The following SCUBE3 variants were observed in gnomAD, a reference collection of about 807,000 sequenced individuals.
SCUBE3 encodes signal peptide, CUB domain and EGF like domain containing 3, also known as signal peptide, CUB and EGF-like domain-containing protein 3.
A neutral mutation model predicts 116.8 loss-of-function variants in SCUBE3; 33 were observed. That is an observed-to-expected ratio of 0.28 (90% CI 0.21 to 0.38). The LOEUF (loss-of-function observed/expected upper bound fraction) is 0.38. SCUBE3 is among the 10% of genes least tolerant of loss of function. The pLI, the probability that SCUBE3 is intolerant of heterozygous loss-of-function variation, is 1.00. For synonymous variants in SCUBE3, 418 were observed against 496.9 expected (o/e 0.84, Z 2.11); for missense variants, 1,007 against 1,324.8 (o/e 0.76, Z 3.72).
Position 35,241,346 on chromosome 6 carries a change from A to C in SCUBE3, c.1195+80A>C. On this transcript the variant is annotated intron_variant, in intron 10 of 21. Transcript: ENST00000274938. The surrounding 1 kb of genome is among the most constrained non-coding windows in gnomAD (Gnocchi z 4.1). ...GGGGTTCTGGAAAGCATAGAGTATC[A>C]CATTGGGGAAAGGTGTGAGGTGGAA... The C allele has an allele frequency of 6.8e-7, 1 of 1,464,738 alleles. No individual in the cohort carries two copies. Among genetic ancestry groups the C allele is most frequent in the Non-Finnish European group, 9.4e-7 (1 of 1,068,906 alleles). The allele number at this position is 1,464,738 out of a possible 1,614,324, so 90.7% of individuals were successfully genotyped here.
chr6:35,243,931 C>T lies in SCUBE3; in HGVS notation c.2072-32C>T. ...CCCATGGGGATGACTCAGGACCATC[C>T]CCATCAGAGTTGGGCCCTTGATTCA... On this transcript the variant is annotated intron_variant, in intron 16 of 21. Transcript: ENST00000274938. The surrounding 1 kb of genome is among the most constrained non-coding windows in gnomAD (Gnocchi z 6.6). The T allele has an allele frequency of 6.2e-7, 1 of 1,606,216 alleles. No homozygotes were observed. The highest frequency in any genetic ancestry group is 8.5e-7 in the Non-Finnish European group (1 of 1,174,938).
At chr6:35,226,479 C>T (rs1174153813) in intron 1 of SCUBE3, among the ~76,000 whole-genome samples, 2 of 52,166 alleles carry the variant, frequency 3.8e-5, no homozygotes, top group East Asian at 3.2e-3. Flanking sequence ...TTTTCTATGT[C>T]CTTTTTTTTT....
In SCUBE3 at chr6:35,232,025, C is replaced by T. The variant is rs1490096400; in HGVS notation, c.469+166C>T. Among the ~76,000 whole-genome samples, 8 of 152,296 alleles carry T rather than the reference C, an allele frequency of 5.3e-5. No individual in the cohort carries two copies. Among genetic ancestry groups the T allele is most frequent in the Admixed American group, 4.6e-4 (7 of 15,300 alleles). Reference sequence around the variant, plus strand: ...CCCTAAAGGATCTAGGAACAGACACCCTGTTAGGGCAAAATCTGGGGAAAT... The same window carrying T: ...CCCTAAAGGATCTAGGAACAGACACTCTGTTAGGGCAAAATCTGGGGAAAT... On this transcript the variant is annotated intron_variant, in intron 4 of 21. Coordinates refer to ENST00000274938, the MANE Select transcript of SCUBE3 (RefSeq NM_152753.4). This position sits in a 1 kb window ranked among gnomAD's most constrained non-coding sequence, Gnocchi z 4.2.
rs184450003 is a variant in SCUBE3 at position 35,253,014 on chromosome 6, A to T, written c.*4309A>T. ...GGGGAAAAATATGTATCTGAATTGT[A>T]AAAAGAAATGTTTGGATTTTGTATG... On this transcript the variant is annotated 3_prime_UTR_variant, in exon 22 of 22. Transcript: ENST00000274938. The T allele has an allele frequency of 1.4e-4, 21 of 152,346 alleles. No homozygotes were observed. In the East Asian group the frequency reaches 4.0e-3, roughly 29 times the overall value. The allele number at this position is 152,346 out of a possible 1,614,324, so 9.4% of individuals were successfully genotyped here. A position where few individuals can be genotyped will look rare whatever the true frequency, so the allele number is the denominator to read the frequency against.
At chr6:35,238,775 GC>G (rs1783891655) in intron 7 of SCUBE3, among the ~76,000 whole-genome samples, 2 of 152,108 alleles carry the variant, frequency 1.3e-5, no homozygotes, top group Non-Finnish European at 2.9e-5. Flanking sequence ...GAGGAAAAAG[GC>G]AGGGTAGCCA....
intron 2 of SCUBE3, 79 bp downstream of exon 2, chr6:35,227,781 C>G (rs539929385): frequency 6.9e-7 from 1 of 1,450,304 alleles, no homozygotes; most frequent in East Asian, 2.3e-5. Flanking sequence ...GTTGGCCACT[C>G]TCCATCACAT....
chr6:35,235,381 CG>C lies in SCUBE3; in HGVS notation c.712+2084del. On this transcript the variant is annotated intron_variant, in intron 6 of 21. Coordinates refer to ENST00000274938, the MANE Select transcript of SCUBE3 (RefSeq NM_152753.4). This position sits in a 1 kb window ranked among gnomAD's most constrained non-coding sequence, Gnocchi z 4.5. ...GGGGAGGAGAGGGTGGGGAGGGGTC[CG>C]GGGCCAGAGGGCCACAGTGGCTTCT... 1 of 820,484 alleles carries C rather than the reference CG, an allele frequency of 1.2e-6. No homozygotes were observed. Among genetic ancestry groups the C allele is most frequent in the Non-Finnish European group, 1.8e-6 (1 of 559,102 alleles). The allele number at this position is 820,484 out of a possible 1,614,324, so 50.8% of individuals were successfully genotyped here. A position where few individuals can be genotyped will look rare whatever the true frequency, so the allele number is the denominator to read the frequency against.
rs190971671 is a variant in SCUBE3 at position 35,248,771 on chromosome 6, C to A, written c.*66C>A. 18 of 1,345,460 alleles carry A rather than the reference C, an allele frequency of 1.3e-5. No homozygotes were observed. The East Asian group carries it at 1.9e-4, about 14-fold the overall frequency. 83.3% of individuals were successfully genotyped at this position (1,345,460 alleles called of 1,614,324 possible). ...CTCCTTAGCCCTCAGAGCCGGCAGCCCCCTACCCTCAGACAAGGAACTCTC... is the reference window on the plus strand; with the variant it reads ...CTCCTTAGCCCTCAGAGCCGGCAGCACCCTACCCTCAGACAAGGAACTCTC... On this transcript the variant is annotated 3_prime_UTR_variant, in exon 22 of 22. Coordinates refer to ENST00000274938, the MANE Select transcript of SCUBE3 (RefSeq NM_152753.4).
Position 35,231,751 on chromosome 6 carries a change from G to A in SCUBE3, c.361G>A (p.Gly121Ser), listed in dbSNP as rs747128199. 4.3e-6 allele frequency: 7 copies of A among 1,613,210 alleles called. No individual in the cohort carries two copies. Among genetic ancestry groups the A allele is most frequent in the Non-Finnish European group, 5.9e-6 (7 of 1,179,296 alleles). Residue 121 changes from glycine to serine, a missense_variant, in exon 4 of 22, where the codon GGC becomes AGC. Coordinates refer to ENST00000274938, the MANE Select transcript of SCUBE3 (RefSeq NM_152753.4). This position sits in a 1 kb window ranked among gnomAD's most constrained non-coding sequence, Gnocchi z 4.2. The part of the protein sequence containing the change: ...LDVDECAEGN[G>S]GCQQSCVNMM... ...TGTGGACGAGTGTGCCGAGGGCAAC[G>A]GCGGCTGTCAGCAGAGCTGTGTCAA...
chr6:35,242,314 G>C lies in SCUBE3; in HGVS notation c.1528G>C (p.Gly510Arg). ...GKTEEAGRIT[G>R]PGGAPCSECQ... ...AACAGAGGAGGCTGGCAGAATCACA[G>C]GGCCAGGTTTGGACTGGGGACCCCA... is the stretch of plus-strand genomic sequence containing the variant. Residue 510 changes from glycine to arginine, a missense_variant, in exon 13 of 22, where the codon GGG becomes CGG. Gly to Arg is a moderately radical substitution (Grantham distance 125). This residue lies in a region of SCUBE3 where 544 missense variants were observed against 638.9 expected (regional missense o/e 0.85). Transcript: ENST00000274938. The C allele has an allele frequency of 2.5e-6, 4 of 1,610,486 alleles. No individual in the cohort carries two copies. The highest frequency in any genetic ancestry group is 3.4e-6 in the Non-Finnish European group (4 of 1,176,746).
intron 1 of SCUBE3, chr6:35,223,296 A>AG (rs1196750689): frequency 6.6e-6 from 1 of 152,266 alleles, no homozygotes; most frequent in Admixed American, 6.5e-5. Context: ...TGTTCCTGGA[A>AG]GCCCCATGGG....
At position 35,250,612 on chromosome 6, in the gene SCUBE3, G is replaced by A. The variant is rs1338245734; in HGVS notation, c.*1907G>A. The stretch of plus-strand genomic sequence containing the variant: ...TGCACACATTCTGCCCTTAATCCAA[G>A]TGTTGCCTATAAAATTATTTTCTGT... On this transcript the variant is annotated 3_prime_UTR_variant, in exon 22 of 22. Transcript: ENST00000274938. The A allele has an allele frequency of 1.3e-5, 2 of 152,088 alleles. No homozygotes were observed. The highest frequency in any genetic ancestry group is 2.9e-5 in the Non-Finnish European group (2 of 68,038). 9.4% of individuals were successfully genotyped at this position (152,088 alleles called of 1,614,324 possible). A position where few individuals can be genotyped will look rare whatever the true frequency, so the allele number is the denominator to read the frequency against.
At chr6:35,217,785 G>A (rs557030703) in intron 1 of SCUBE3, among the ~76,000 whole-genome samples, 2 of 152,248 alleles carry the variant, frequency 1.3e-5, no homozygotes, top group South Asian at 4.2e-4. Context: ...CTGGAGAGAG[G>A]GAGAGTCCCC....
At chr6:35,242,050 C>A in intron 12 of SCUBE3, 140 bp downstream of exon 12, 2 of 837,506 alleles carry the variant, frequency 2.4e-6, no homozygotes, top group Non-Finnish European at 4.1e-6. Flanking sequence ...TGCTCCCTCA[C>A]TCCCTCTGCC....
In SCUBE3 at chr6:35,241,628, G is replaced by T; in HGVS notation, c.1281G>T (p.Leu427=). ...NRSGKKDTCA[L]TCPSRARFLP... is the part of the protein sequence containing the mutation. ...CTGGCAAGAAGGACACCTGTGCCCT[G>T]ACCTGTCCCTCCAGGGCCCGATTTT... Residue 427 remains leucine (L), a synonymous_variant, in exon 11 of 22, where the codon CTG becomes CTT. Transcript: ENST00000274938. This position sits in a 1 kb window ranked among gnomAD's most constrained non-coding sequence, Gnocchi z 4.1. The T allele has an allele frequency of 6.2e-7, 1 of 1,613,988 alleles. No homozygotes were observed. Among genetic ancestry groups the T allele is most frequent in the South Asian group, 1.1e-5 (1 of 91,064 alleles).
intron 13 of SCUBE3, 63 bp downstream of exon 13, chr6:35,242,383 C>A: frequency 8.2e-7 from 1 of 1,222,262 alleles, no homozygotes. Flanking sequence ...TACCCCTCAG[C>A]TCCTCTGCTT....
At position 35,231,970 on chromosome 6, in the gene SCUBE3, C is replaced by T; in HGVS notation, c.469+111C>T. ...CCTCCATTCTCAACTCAGCTAGCTC[C>T]TTCTTCTCTTGTCCTTCAACTCAAT... On this transcript the variant is annotated intron_variant, in intron 4 of 21. Coordinates refer to ENST00000274938, the MANE Select transcript of SCUBE3 (RefSeq NM_152753.4). This position sits in a 1 kb window ranked among gnomAD's most constrained non-coding sequence, Gnocchi z 4.2. 5 of 942,742 alleles carry T rather than the reference C, an allele frequency of 5.3e-6. No individual in the cohort carries two copies. The highest frequency in any genetic ancestry group is 2.6e-5 in the East Asian group (1 of 38,164). The allele number at this position is 942,742 out of a possible 1,614,324, so 58.4% of individuals were successfully genotyped here. A position where few individuals can be genotyped will look rare whatever the true frequency, so the allele number is the denominator to read the frequency against.
chr6:35,252,125 T>C lies in SCUBE3; in HGVS notation c.*3420T>C, dbSNP rs1784575948. 1 of 152,278 alleles carries C rather than the reference T, an allele frequency of 6.6e-6. No individual in the cohort carries two copies. Among genetic ancestry groups the C allele is most frequent in the Non-Finnish European group, 1.5e-5 (1 of 68,096 alleles). 9.4% of individuals were successfully genotyped at this position (152,278 alleles called of 1,614,324 possible). A position where few individuals can be genotyped will look rare whatever the true frequency, so the allele number is the denominator to read the frequency against. On this transcript the variant is annotated 3_prime_UTR_variant, in exon 22 of 22. Transcript: ENST00000274938. ...AAAGGCACTTATATCCTCAGCAACA[T>C]GGCAGTTCCTCTTTACTTCTCTGCC...
At chr6:35,221,370 T>G (rs1422785476) in intron 1 of SCUBE3, 1 of 152,216 alleles carries the variant, frequency 6.6e-6, no homozygotes, top group African/African-American at 2.4e-5. Flanking sequence ...TACTCTCCAC[T>G]TGAGACTAAA....
Sources: gnomAD v4.1 joint callset for allele counts (sites outside exome capture counted in the v4.1 genomes callset) on GRCh38, gnomAD v4.1.1 for gene constraint, gnomAD v4.1.1 regional missense constraint, Gnocchi (gnomAD v3.1) non-coding constraint, MANE v1.5 for transcripts, NCBI Gene and HGNC (gene_info 2026-07-23, HGNC 2026-07-21) for gene names.